Variants in DOCK3 observed in about 807,000 individuals in gnomAD.
DOCK3 encodes the protein dedicator of cytokinesis protein 3.
In DOCK3, 60 loss-of-function variants were observed where a neutral mutation model predicts 265.6. The ratio of observed to expected loss-of-function variants is 0.23; its 90% confidence interval spans 0.18 to 0.28. The LOEUF (loss-of-function observed/expected upper bound fraction) is 0.28, where lower values mean the gene tolerates loss of function less well. Ranked by LOEUF, DOCK3 falls within the 10% of genes least tolerant of loss-of-function variation. The pLI, the probability that DOCK3 is intolerant of heterozygous loss-of-function variation, is 1.00. For missense variants in DOCK3, 1,981 were observed against 2,594.3 expected (o/e 0.76, Z 5.14); for synonymous variants, 881 against 938.0 (o/e 0.94, Z 1.11).
At chr3:51,278,114 C>T in intron 26 of DOCK3, 3 of 985,418 alleles carry the variant, frequency 3.0e-6, no homozygotes, top group Non-Finnish European at 3.6e-6. Context: ...CCCCCTCATA[C>T]AGGTTCTCCT....
At chr3:51,305,733 CGCGTGT>C (rs1251809545) in intron 27 of DOCK3, among the ~76,000 whole-genome samples, 378 of 135,616 alleles carry the variant, frequency 2.8e-3, no homozygotes, top group African/African-American at 9.8e-3. Flanking sequence ...TGTGTGTGTG[CGCGTGT>C]GTGTGTGTGT....
At chr3:51,234,071 G>T (rs947740078) in intron 19 of DOCK3, among the ~76,000 whole-genome samples, 1 of 152,130 alleles carries the variant, frequency 6.6e-6, no homozygotes, top group Non-Finnish European at 1.5e-5. Context: ...CCTCTATACT[G>T]TTTTCCATAA....
intron 5 of DOCK3, among the ~76,000 whole-genome samples, chr3:51,042,122 A>G (rs770957703): frequency 6.6e-6 from 1 of 152,250 alleles, no homozygotes. Flanking sequence ...TGGCAGAGAC[A>G]CAACAAAGAA....
intron 12 of DOCK3, among the ~76,000 whole-genome samples, chr3:51,199,351 C>T (rs1402254577): frequency 3.3e-5 from 5 of 152,206 alleles, no homozygotes; most frequent in African/African-American, 7.2e-5. Context: ...TGCGCTTTTC[C>T]GATGGGCTTA....
chr3:50,785,998 G>T, intron 2 of DOCK3, among the ~76,000 whole-genome samples: 1 of 149,092 alleles, frequency 6.7e-6, no homozygotes, highest in African/African-American at 2.5e-5. Context: ...CTTGTTATTT[G>T]TCTGTTCAGA....
intron 38 of DOCK3, among the ~76,000 whole-genome samples, chr3:51,342,058 A>G (rs1395082684): frequency 6.6e-6 from 1 of 152,160 alleles, no homozygotes; most frequent in Non-Finnish European, 1.5e-5. Flanking sequence ...CCATTTTCTC[A>G]TTACTAAGCT....
At chr3:51,066,482 G>A (rs11919932) in intron 6 of DOCK3, among the ~76,000 whole-genome samples, 137,180 of 152,220 alleles carry the variant, frequency 0.9, 62,011 homozygotes, top group African/African-American at 0.95. Flanking sequence ...TGGATGCTAG[G>A]AGATAATGAA....
intron 5 of DOCK3, among the ~76,000 whole-genome samples, chr3:50,986,633 G>A (rs1176395151): frequency 6.6e-6 from 1 of 152,020 alleles, no homozygotes; most frequent in East Asian, 1.9e-4. Context: ...TATTCTTTTG[G>A]ATTTTCTCTG....
chr3:51,215,230 C>G (rs1001169698), intron 14 of DOCK3, among the ~76,000 whole-genome samples: 1 of 152,170 alleles, frequency 6.6e-6, no homozygotes, highest in African/African-American at 2.4e-5. Flanking sequence ...GCCTCAGCCT[C>G]CCGAGTAGCT....
intron 3 of DOCK3, among the ~76,000 whole-genome samples, chr3:50,858,436 TAATAATA>T (rs1294324387): frequency 2.0e-5 from 3 of 149,850 alleles, no homozygotes; most frequent in African/African-American, 7.4e-5. Flanking sequence ...ATAATAATAA[TAATAATA>T]ATAATAATAA....
At chr3:50,973,049 CTT>C (rs71858027) in intron 5 of DOCK3, among the ~76,000 whole-genome samples, 2 of 19,020 alleles carry the variant, frequency 1.1e-4, no homozygotes, top group African/African-American at 2.2e-4. Flanking sequence ...CAGTGTGTTT[CTT>C]TTTTTTTTTT....
rs2079333152 is a variant in DOCK3, at chr3:51,252,895, C to T, written c.2184+6088C>T. Among the ~76,000 whole-genome samples, 6 of 152,192 alleles carry T rather than the reference C, an allele frequency of 3.9e-5. No homozygotes were observed. The South Asian group carries it at 1.2e-3, about 32-fold the overall frequency. ...ACTGCCCTGGCCAGAACTTTCAACA[C>T]TATGTTGAATAGGAGTGGTGAGAGA... On this transcript the variant is annotated intron_variant, in intron 22 of 52. Transcript: ENST00000266037.
rs772596835 is a variant in DOCK3 at position 51,312,508 on chromosome 3, A to G, written c.3126A>G (p.Leu1042=). The G allele has an allele frequency of 1.9e-6, 3 of 1,608,288 alleles. No individual in the cohort carries two copies. The highest frequency in any genetic ancestry group is 1.1e-5 in the South Asian group (1 of 89,774). ...ATTCTTACTTTAGCCTGGCAGTTCT[A>G]TTCATAAATCAGCCAAGCCTTCAGC... ...VWNSYFSLAV[L]FINQPSLQLE... Residue 1042 remains leucine (L), a synonymous_variant, in exon 30 of 53, where the codon CTA becomes CTG. Coordinates refer to ENST00000266037, the MANE Select transcript of DOCK3 (RefSeq NM_004947.5).
At chr3:51,288,462 G>A (rs909153690) in intron 27 of DOCK3, among the ~76,000 whole-genome samples, 1 of 151,894 alleles carries the variant, frequency 6.6e-6, no homozygotes, top group Non-Finnish European at 1.5e-5. Flanking sequence ...AGGGTGGGAG[G>A]AGGGTGAGGA....
chr3:51,185,950 T>A (rs1296450357), intron 12 of DOCK3, among the ~76,000 whole-genome samples: 1 of 152,160 alleles, frequency 6.6e-6, no homozygotes. Context: ...TGGGTATGTC[T>A]TTGTCAGCAG....
At chr3:50,759,844 T>C (rs2675771) in intron 1 of DOCK3, among the ~76,000 whole-genome samples, 14,159 of 93,758 alleles carry the variant, frequency 0.15, 826 homozygotes, top group Admixed American at 0.21. Flanking sequence ...GGTGACCGAG[T>C]GAGATATTAT....
intron 2 of DOCK3, among the ~76,000 whole-genome samples, chr3:50,799,414 T>C (rs543309182): frequency 6.4e-4 from 98 of 152,328 alleles, no homozygotes; most frequent in Non-Finnish European, 1.3e-3. Flanking sequence ...TAGTTTTCCT[T>C]GTAGAGATCT....
chr3:51,249,987 G>A (rs2079111478), intron 22 of DOCK3, among the ~76,000 whole-genome samples: 1 of 151,812 alleles, frequency 6.6e-6, no homozygotes. Context: ...CCAACCCTGT[G>A]CTCTCTGAAA....
intron 1 of DOCK3, among the ~76,000 whole-genome samples, chr3:50,771,944 T>TA (rs1576390475): frequency 6.6e-6 from 1 of 152,356 alleles, no homozygotes; most frequent in East Asian, 1.9e-4. Flanking sequence ...CTGCTGGGTA[T>TA]ATACCCCAAA....
Sources: allele counts gnomAD v4.1 joint callset (sites outside exome capture counted in the v4.1 genomes callset), GRCh38; gene constraint gnomAD v4.1.1; transcripts MANE v1.5; gene names NCBI Gene and HGNC (gene_info 2026-07-23, HGNC 2026-07-21).